FRMD4B: variants seen among roughly 807,000 people sequenced by gnomAD.
FRMD4B encodes the protein FERM domain-containing protein 4B.
A neutral mutation model predicts 141.5 loss-of-function variants in FRMD4B; 74 were observed. The observed-to-expected ratio is 0.52, with a 90% CI of 0.43 to 0.63. The LOEUF (loss-of-function observed/expected upper bound fraction) is 0.63. Among genes scored for constraint, FRMD4B ranks in the 30% least tolerant of loss-of-function variants. The pLI, the probability that FRMD4B is intolerant of heterozygous loss-of-function variation, is 0.00. For missense variants in FRMD4B, 1,366 were observed against 1,253.4 expected, an observed-to-expected ratio of 1.09 and a Z score of -1.36; for synonymous variants, 506 against 467.9, an observed-to-expected ratio of 1.08 and a Z score of -1.05.
chr3:69,497,141 T>G (rs1706417220), intron 1 of FRMD4B, among the ~76,000 whole-genome samples: 1 of 152,192 alleles, frequency 6.6e-6, no homozygotes, highest in Admixed American at 6.5e-5. Flanking sequence ...TTTTTTGTTT[T>G]CTGCCAAGTA....
chr3:69,362,704 C>T (rs565798149), intron 1 of FRMD4B, among the ~76,000 whole-genome samples: 2 of 141,598 alleles, frequency 1.4e-5, no homozygotes, highest in Admixed American at 1.4e-4. Flanking sequence ...AAGCCAACCC[C>T]CCCCCCAAAA....
At chr3:69,298,913 T>C (rs1701120382) in intron 4 of FRMD4B, among the ~76,000 whole-genome samples, 1 of 152,118 alleles carries the variant, frequency 6.6e-6, no homozygotes, top group African/African-American at 2.4e-5. Context: ...CTGTGTGCTT[T>C]ATGGCTGCAG....
intron 1 of FRMD4B, among the ~76,000 whole-genome samples, chr3:69,463,805 G>C (rs1031716519): frequency 2.0e-5 from 3 of 152,204 alleles, no homozygotes; most frequent in African/African-American, 7.2e-5. Context: ...AAGCTAAAGG[G>C]ACAAGGAAAT....
In FRMD4B at chr3:69,297,505, A is replaced by T. The variant is rs550670256; in HGVS notation, c.416+4838T>A. On this transcript the variant is annotated intron_variant, in intron 4 of 22. Transcript: ENST00000398540. ...GAAATGAAAAACAACAACAACAAAA[A>T]ATAATAAAGGGGATGAAAGATGCCA... is the stretch of plus-strand genomic sequence containing the variant. 9.9e-4 allele frequency among the ~76,000 whole-genome samples: 151 copies of T among 152,244 alleles called. 1 individual carries two copies. The highest frequency in any genetic ancestry group is 3.6e-3 in the African/African-American group (149 of 41,546).
intron 7 of FRMD4B, among the ~76,000 whole-genome samples, chr3:69,248,797 T>C (rs1316462867): frequency 1.3e-5 from 2 of 152,268 alleles, no homozygotes; most frequent in Non-Finnish European, 2.9e-5. Flanking sequence ...TGAGGCCCCT[T>C]CGGGGCAGCT....
rs1575802139 is a variant in FRMD4B, at chr3:69,436,793, T to G, written c.-128-4032A>C. 2.0e-5 allele frequency among the ~76,000 whole-genome samples: 3 copies of G among 152,208 alleles called. No individual in the cohort carries two copies. The East Asian group carries it at 5.8e-4, about 29-fold the overall frequency. On this transcript the variant is annotated intron_variant, in intron 1 of 5. Coordinates refer to the FRMD4B transcript ENST00000459638. Reference sequence around the variant, plus strand: ...AATGGAACGAGATTCTGATATATGTTACAACATAAATGAGTCCTGAAAACA... The same window carrying G: ...AATGGAACGAGATTCTGATATATGTGACAACATAAATGAGTCCTGAAAACA...
intron 1 of FRMD4B, among the ~76,000 whole-genome samples, chr3:69,331,889 A>T (rs544615986): frequency 2.3e-4 from 35 of 152,260 alleles, no homozygotes; most frequent in Admixed American, 1.4e-3. Flanking sequence ...GGAGTTCAAG[A>T]CCAGCCTGGC....
chr3:69,263,395 A>ATTTTTT (rs2093540631), intron 5 of FRMD4B, among the ~76,000 whole-genome samples: 1 of 87,128 alleles, frequency 1.1e-5, no homozygotes, highest in African/African-American at 4.5e-5. Context: ...AGTTACATGC[A>ATTTTTT]CTTTTTTTTT....
chr3:69,287,408 C>G (rs1208453453), intron 5 of FRMD4B, among the ~76,000 whole-genome samples: 8 of 152,050 alleles, frequency 5.3e-5, no homozygotes, highest in African/African-American at 1.9e-4. Context: ...GTAGGGCATA[C>G]CTTATTTAAA....
At chr3:69,455,292 A>T (rs572667850) in intron 1 of FRMD4B, among the ~76,000 whole-genome samples, 1 of 152,256 alleles carries the variant, frequency 6.6e-6, no homozygotes, top group African/African-American at 2.4e-5. Context: ...GTCTGTTTAC[A>T]TAATGTGGGA....
intron 5 of FRMD4B, among the ~76,000 whole-genome samples, chr3:69,260,326 C>T (rs1300712046): frequency 1.3e-5 from 2 of 152,236 alleles, no homozygotes; most frequent in Non-Finnish European, 2.9e-5. Context: ...CGAGTCAGCA[C>T]GAGTTCCGGG....
intron 3 of FRMD4B, among the ~76,000 whole-genome samples, chr3:69,307,461 TGCC>T (rs1701433871): frequency 6.6e-6 from 1 of 151,944 alleles, no homozygotes; most frequent in Non-Finnish European, 1.5e-5. Context: ...ATGCCTCAGG[TGCC>T]TGAGTAGCTG....
intron 1 of FRMD4B, among the ~76,000 whole-genome samples, chr3:69,437,307 A>C (rs1002773843): frequency 6.6e-6 from 1 of 151,948 alleles, no homozygotes; most frequent in African/African-American, 2.4e-5. Context: ...CCTAGGCTCA[A>C]GCAATCCTCC....
intron 2 of FRMD4B, among the ~76,000 whole-genome samples, chr3:69,408,780 G>A (rs1704701714): frequency 6.6e-6 from 1 of 151,964 alleles, no homozygotes; most frequent in African/African-American, 2.4e-5. Flanking sequence ...CAGGGATGGC[G>A]CCAGTGGGAG....
chr3:69,267,022 CT>C (rs2093565358), intron 5 of FRMD4B, among the ~76,000 whole-genome samples: 1 of 152,200 alleles, frequency 6.6e-6, no homozygotes, highest in South Asian at 2.1e-4. Flanking sequence ...GATTCTAAAA[CT>C]TTGGTGTATT....
At position 69,169,733 on chromosome 3, in the gene FRMD4B, G is replaced by A. The variant is rs1354924252; in HGVS notation, c.*2128C>T. 6.6e-6 allele frequency among the ~76,000 whole-genome samples: 1 copy of A among 152,134 alleles called. No homozygotes were observed. Among genetic ancestry groups the A allele is most frequent in the Non-Finnish European group, 1.5e-5 (1 of 68,030 alleles). ...TTGCCCTTTCAAGGCATGCTTGCAA[G>A]TGTAACCATACTATTTCAGGAACAG... On this transcript the variant is annotated 3_prime_UTR_variant, in exon 23 of 23. Transcript: ENST00000398540.
chr3:69,325,197 T>TG (rs1389081876), intron 1 of FRMD4B, among the ~76,000 whole-genome samples: 2 of 152,206 alleles, frequency 1.3e-5, no homozygotes. Flanking sequence ...CAGTAGAGAC[T>TG]GGAGGGCTGA....
At chr3:69,482,948 C>G (rs1428648608) in intron 1 of FRMD4B, among the ~76,000 whole-genome samples, 1 of 152,168 alleles carries the variant, frequency 6.6e-6, no homozygotes, top group Non-Finnish European at 1.5e-5. Context: ...AGCAGACACT[C>G]GGCTAGGCAG....
chr3:69,265,258 A>AC lies in FRMD4B; in HGVS notation c.502-15160_502-15159insG, dbSNP rs1197500232. On this transcript the variant is annotated intron_variant, in intron 5 of 22. Coordinates refer to ENST00000398540, the MANE Select transcript of FRMD4B (RefSeq NM_015123.3). ...CAACACAGCGAGACTCCATCTCAAA[A>AC]AAAAAAAAAAAATATATATATATAT... is the stretch of plus-strand genomic sequence containing the variant. 9.2e-4 allele frequency among the ~76,000 whole-genome samples: 19 copies of AC among 20,640 alleles called. 4 individuals carry two copies. The highest frequency in any genetic ancestry group is 3.1e-3 in the African/African-American group (19 of 6,184). 13.5% of individuals were successfully genotyped at this position (20,640 alleles called of 152,430 possible).
Sources: allele counts gnomAD v4.1 joint callset (sites outside exome capture counted in the v4.1 genomes callset), GRCh38; gene constraint gnomAD v4.1.1; transcripts MANE v1.5; gene names NCBI Gene and HGNC (gene_info 2026-07-23, HGNC 2026-07-21).